Variants in AKAP13 observed in about 807,000 individuals in gnomAD.
The protein encoded by AKAP13 is A-kinase anchoring protein 13.
A neutral mutation model predicts 264.5 loss-of-function variants in AKAP13; 80 were observed. That is an observed-to-expected ratio of 0.30 (90% CI 0.25 to 0.36). The LOEUF (loss-of-function observed/expected upper bound fraction) is 0.36, where lower values mean the gene tolerates loss of function less well. AKAP13 is among the 10% of genes least tolerant of loss of function. AKAP13 has a pLI of 1.00. For missense variants in AKAP13, 3,712 were observed against 3,435.2 expected, an observed-to-expected ratio of 1.08 and a Z score of -2.01; for synonymous variants, 1,380 against 1,250.2, an observed-to-expected ratio of 1.10 and a Z score of -2.19.
chr15:85,737,213 C>T (rs1446162831), intron 33 of AKAP13, among the ~76,000 whole-genome samples: 3 of 152,094 alleles, frequency 2.0e-5, no homozygotes, highest in Non-Finnish European at 2.9e-5. Flanking sequence ...AGCCACCGCG[C>T]CCAGCCATAT....
chr15:85,629,722 A>G (rs2151440637), intron 8 of AKAP13, among the ~76,000 whole-genome samples: 1 of 147,842 alleles, frequency 6.8e-6, no homozygotes, highest in South Asian at 2.2e-4. Flanking sequence ...ATGGTACTTT[A>G]AAGTATCATG....
intron 5 of AKAP13, among the ~76,000 whole-genome samples, chr15:85,546,732 C>T (rs1320501955): frequency 4.0e-5 from 6 of 149,940 alleles, no homozygotes; most frequent in African/African-American, 1.2e-4. Flanking sequence ...ATGATGCTAT[C>T]TTTCTTTTTT....
intron 2 of AKAP13, among the ~76,000 whole-genome samples, chr15:85,505,484 G>A (rs890477214): frequency 6.6e-6 from 1 of 152,190 alleles, no homozygotes; most frequent in Non-Finnish European, 1.5e-5. Context: ...AAGAAGACAG[G>A]TTATAGGGAT....
intron 8 of AKAP13, among the ~76,000 whole-genome samples, chr15:85,634,635 G>A (rs746511778): frequency 1.3e-5 from 2 of 152,214 alleles, no homozygotes; most frequent in Non-Finnish European, 2.9e-5. Flanking sequence ...AGTTTGGTGA[G>A]CCTTGACAAA....
At position 85,549,919 on chromosome 15, in the gene AKAP13, C is replaced by CTGAT. The variant is rs199697951; in HGVS notation, c.662+5980_662+5983dup. The stretch of plus-strand genomic sequence containing the variant: ...TTACATATGGTAAGTATTGTCATCT[C>CTGAT]TGATTGATTGATTGATTGAGACAGA... On this transcript the variant is annotated intron_variant, in intron 5 of 36. Coordinates refer to ENST00000394518, the MANE Select transcript of AKAP13 (RefSeq NM_007200.5). Among the ~76,000 whole-genome samples the CTGAT allele has an allele frequency of 6.8e-3, 1,041 of 152,086 alleles. 14 individuals are homozygous for CTGAT. The highest frequency in any genetic ancestry group is 0.024 in the African/African-American group (977 of 41,478).
At chr15:85,679,646 G>A (rs1011336663) in intron 14 of AKAP13, among the ~76,000 whole-genome samples, 4 of 152,156 alleles carry the variant, frequency 2.6e-5, no homozygotes, top group East Asian at 1.9e-4. Flanking sequence ...GGTGTTCCAC[G>A]GAACACACTC....
intron 29 of AKAP13, among the ~76,000 whole-genome samples, chr15:85,730,276 C>T (rs749385491): frequency 9.2e-5 from 14 of 152,192 alleles, no homozygotes; most frequent in Admixed American, 2.0e-4. Context: ...AAAGTGCAGA[C>T]TTGTTATGTC....
intron 26 of AKAP13, 127 bp downstream of exon 26, chr15:85,723,447 G>A: frequency 7.6e-7 from 1 of 1,317,580 alleles, no homozygotes; most frequent in Non-Finnish European, 1.0e-6. Context: ...CTACCCAGGA[G>A]CAACAAGCAT....
chr15:85,416,610 A>G (rs1467941434), intron 1 of AKAP13, among the ~76,000 whole-genome samples: 2 of 152,202 alleles, frequency 1.3e-5, no homozygotes, highest in African/African-American at 4.8e-5. Flanking sequence ...AGGAAATTTG[A>G]GAGAAGCTGC....
intron 2 of AKAP13, among the ~76,000 whole-genome samples, chr15:85,493,684 A>G (rs759483229): frequency 6.6e-6 from 1 of 152,198 alleles, no homozygotes; most frequent in Non-Finnish European, 1.5e-5. Context: ...CCATTTGTTT[A>G]TAGCAAGCCA....
At chr15:85,471,009 C>T (rs1806495630) in intron 1 of AKAP13, among the ~76,000 whole-genome samples, 1 of 152,162 alleles carries the variant, frequency 6.6e-6, no homozygotes, top group Admixed American at 6.5e-5. Context: ...TATGTACTTT[C>T]CACGTCCCTT....
At chr15:85,481,192 T>C (rs889567031) in intron 1 of AKAP13, among the ~76,000 whole-genome samples, 2 of 152,216 alleles carry the variant, frequency 1.3e-5, no homozygotes, top group Non-Finnish European at 2.9e-5. Context: ...GTGAGTGGTT[T>C]TTACATAGTT....
intron 2 of AKAP13, among the ~76,000 whole-genome samples, chr15:85,505,313 CTT>C (rs1376490732): frequency 3.9e-5 from 6 of 152,322 alleles, no homozygotes; most frequent in Non-Finnish European, 7.4e-5. Flanking sequence ...GCCTGGACAT[CTT>C]TAAGAATTAT....
intron 1 of AKAP13, among the ~76,000 whole-genome samples, chr15:85,402,587 C>T (rs556976584): frequency 8.5e-5 from 13 of 152,118 alleles, no homozygotes; most frequent in African/African-American, 2.4e-4. Context: ...TTTAGCTCTC[C>T]GGGAGCTTGG....
At position 85,581,033 on chromosome 15, in the gene AKAP13, G is replaced by C; in HGVS notation, c.2965G>C (p.Ala989Pro). Reference sequence around the variant, plus strand: ...AAGTAATTCACCGGGTGCATCCTCTGCCTTTCTTAAGGCAGAAACTGAACA... The same window carrying C: ...AAGTAATTCACCGGGTGCATCCTCTCCCTTTCTTAAGGCAGAAACTGAACA... Reference protein sequence around the residue: ...QLSNSPGASSAFLKAETEHNK... With the variant: ...QLSNSPGASSPFLKAETEHNK... Residue 989 changes from alanine (A) to proline (P), a missense_variant, in exon 7 of 37, where the codon GCC becomes CCC. By Grantham distance (27) the Ala-to-Pro change is conservative. Coordinates refer to ENST00000394518, the MANE Select transcript of AKAP13 (RefSeq NM_007200.5). 1 of 1,613,890 alleles carries C rather than the reference G, an allele frequency of 6.2e-7. No homozygotes were observed. Among genetic ancestry groups the C allele is most frequent in the Non-Finnish European group, 8.5e-7 (1 of 1,179,886 alleles).
In AKAP13 at chr15:85,579,214, G is replaced by A. The variant is rs1442739265; in HGVS notation, c.1146G>A (p.Glu382=). 1.2e-6 allele frequency: 2 copies of A among 1,614,088 alleles called. No homozygotes were observed. The highest frequency in any genetic ancestry group is 1.3e-5 in the African/African-American group (1 of 74,928). ...AAGGCGTGGAAAGAAAAGGGGAAGA[G>A]GTGGAGCCAGCACCTATTGTGGACT... ...KNKGVERKGE[E]VEPAPIVDSG... Residue 382 remains glutamate (E), a synonymous_variant, in exon 7 of 37, where the codon GAG becomes GAA. Coordinates refer to ENST00000394518, the MANE Select transcript of AKAP13 (RefSeq NM_007200.5).
chr15:85,432,075 A>G (rs2073046531), intron 1 of AKAP13, among the ~76,000 whole-genome samples: 1 of 151,930 alleles, frequency 6.6e-6, no homozygotes, highest in African/African-American at 2.4e-5. Flanking sequence ...GTTGAATGTT[A>G]CATACCAGAT....
At chr15:85,467,664 C>G (rs2074797195) in intron 1 of AKAP13, among the ~76,000 whole-genome samples, 5 of 152,152 alleles carry the variant, frequency 3.3e-5, no homozygotes, top group Non-Finnish European at 1.5e-5. Flanking sequence ...TGGAACATAT[C>G]TACTTTGAAG....
At chr15:85,717,613 C>T (rs1227387317) in intron 21 of AKAP13, among the ~76,000 whole-genome samples, 1 of 152,164 alleles carries the variant, frequency 6.6e-6, no homozygotes, top group African/African-American at 2.4e-5. Context: ...TCATTTATTT[C>T]GATGTGGGCC....
Sources: gnomAD v4.1 joint callset for allele counts (sites outside exome capture counted in the v4.1 genomes callset) on GRCh38, gnomAD v4.1.1 for gene constraint, MANE v1.5 for transcripts, NCBI Gene and HGNC (gene_info 2026-07-23, HGNC 2026-07-21) for gene names.